SPATA9: variants seen among roughly 807,000 people sequenced by gnomAD.
SPATA9 encodes spermatogenesis associated 9.
SPATA9 carries 27 observed loss-of-function variants against 25.5 expected under a neutral mutation model. The ratio of observed to expected loss-of-function variants is 1.06; its 90% CI spans 0.78 to 1.46. The LOEUF (loss-of-function observed/expected upper bound fraction) is 1.46. SPATA9 is among the 40% of genes most tolerant of loss of function. The probability of loss-of-function intolerance (pLI) is 0.00; values close to 1 mark genes in which losing one functional copy is unlikely to be tolerated. For missense variants in SPATA9, 282 were observed against 297.5 expected, an observed-to-expected ratio of 0.95 and a Z score of 0.38; for synonymous variants, 102 against 105.7, an observed-to-expected ratio of 0.97 and a Z score of 0.21.
chr5:95,663,261 A>G (rs1751444251), intron 4 of SPATA9, among the ~76,000 whole-genome samples: 1 of 152,224 alleles, frequency 6.6e-6, no homozygotes, highest in South Asian at 2.1e-4. Context: ...CAAACACAAA[A>G]GAATACATAC....
chr5:95,688,697 T>C (rs1370987785), intron 1 of SPATA9, among the ~76,000 whole-genome samples: 1 of 152,072 alleles, frequency 6.6e-6, no homozygotes, highest in East Asian at 1.9e-4. Flanking sequence ...AGTGGAATAA[T>C]AGACACTGGA....
chr5:95,682,980 TCA>T lies in SPATA9; in HGVS notation c.-128_-127del. On this transcript the variant is annotated 5_prime_UTR_variant, in exon 1 of 5. Transcript: ENST00000274432. ...TTGGGAAAGCCAGCAAGGACAGAAC[TCA>T]CAGCTCACTGCTGGAATTCTTTGTT... The T allele has an allele frequency of 7.4e-7, 1 of 1,359,636 alleles. No homozygotes were observed. 84.2% of individuals were successfully genotyped at this position (1,359,636 alleles called of 1,614,324 possible).
the SPATA9 span, chr5:95,731,733 T>C: frequency 6.2e-7 from 1 of 1,612,382 alleles, no homozygotes; most frequent in Admixed American, 1.7e-5. Flanking sequence ...GCGCGTGCCG[T>C]GCGCCCCAGG....
chr5:95,654,730 C>G (rs1299279736), downstream of SPATA9, among the ~76,000 whole-genome samples: 3 of 152,034 alleles, frequency 2.0e-5, no homozygotes, highest in Non-Finnish European at 4.4e-5. Context: ...ATTAATAAGG[C>G]AGATCTATAT....
chr5:95,712,010 T>C, the SPATA9 span, among the ~76,000 whole-genome samples: 1 of 152,096 alleles, frequency 6.6e-6, no homozygotes, highest in African/African-American at 2.4e-5. Context: ...CATAATCCTC[T>C]GAGAAACCAA....
chr5:95,703,857 G>A, the SPATA9 span, among the ~76,000 whole-genome samples: 1 of 151,966 alleles, frequency 6.6e-6, no homozygotes, highest in African/African-American at 2.4e-5. Context: ...TTCACATATT[G>A]TTCAGAGTTT....
rs184730376 is a variant in SPATA9, at chr5:95,680,092, G to T, written c.150+2436C>A. Among the ~76,000 whole-genome samples, 1,443 of 152,236 alleles carry T rather than the reference G, an allele frequency of 9.5e-3. 21 individuals are homozygous for T. The highest frequency in any genetic ancestry group is 0.033 in the African/African-American group (1,361 of 41,522). ...TTTTTGTATTTTTAGTAGAGACGGG[G>T]TTTCACCGTGTTAGCCAGGATGGTC... is the stretch of plus-strand genomic sequence containing the variant. On this transcript the variant is annotated intron_variant, in intron 2 of 4. Transcript: ENST00000274432.
chr5:95,693,715 G>A (rs540246627), intron 1 of SPATA9, among the ~76,000 whole-genome samples: 14 of 152,036 alleles, frequency 9.2e-5, no homozygotes, highest in East Asian at 3.9e-4. Context: ...TCTTATTTTC[G>A]CCTTAGAAAA....
At chr5:95,729,874 C>T in the SPATA9 span, among the ~76,000 whole-genome samples, 2 of 152,156 alleles carry the variant, frequency 1.3e-5, no homozygotes, top group Non-Finnish European at 2.9e-5. Context: ...GCTAATCATC[C>T]ATTACATGTG....
chr5:95,703,938 T>C, the SPATA9 span, among the ~76,000 whole-genome samples: 1 of 152,158 alleles, frequency 6.6e-6, no homozygotes. Flanking sequence ...GACTTTTTCA[T>C]TTTATACCAC....
intron 4 of SPATA9, among the ~76,000 whole-genome samples, chr5:95,661,835 T>C (rs1033757855): frequency 6.1e-4 from 93 of 151,932 alleles, no homozygotes; most frequent in African/African-American, 2.1e-3. Flanking sequence ...TACACACACA[T>C]ACACACACAC....
At chr5:95,690,735 T>C (rs768619506) in intron 1 of SPATA9, among the ~76,000 whole-genome samples, 5 of 152,360 alleles carry the variant, frequency 3.3e-5, no homozygotes, top group South Asian at 2.1e-4. Flanking sequence ...CTTTTAGATT[T>C]ATCTTCCAGT....
chr5:95,700,697 G>T (rs1236759511), upstream of SPATA9, among the ~76,000 whole-genome samples: 1 of 152,168 alleles, frequency 6.6e-6, no homozygotes, highest in Non-Finnish European at 1.5e-5. Context: ...AAAGTGCTGG[G>T]ATTACAGGCA....
At chr5:95,718,048 T>C in the SPATA9 span, among the ~76,000 whole-genome samples, 5 of 152,250 alleles carry the variant, frequency 3.3e-5, no homozygotes, top group Non-Finnish European at 7.3e-5. Context: ...AGCAATTTTG[T>C]AGCATTTAAA....
At chr5:95,686,623 C>G (rs2112700002), upstream of SPATA9, among the ~76,000 whole-genome samples, 1 of 152,256 alleles carries the variant, frequency 6.6e-6, no homozygotes, top group South Asian at 2.1e-4. Context: ...CTATTGAAGA[C>G]TCAAACAGGT....
intron 3 of SPATA9, 99 bp from the exon 4 acceptor site, chr5:95,664,147 T>A: frequency 1.6e-6 from 1 of 623,192 alleles, no homozygotes. Flanking sequence ...TATTTTTTTC[T>A]AAAGAAAGTC....
At chr5:95,709,741 C>T in the SPATA9 span, among the ~76,000 whole-genome samples, 2 of 152,096 alleles carry the variant, frequency 1.3e-5, no homozygotes, top group Admixed American at 1.3e-4. Context: ...GTATTTGTAC[C>T]CAGCCCGGTG....
intron 4 of SPATA9, among the ~76,000 whole-genome samples, chr5:95,662,369 C>T (rs768026772): frequency 8.6e-5 from 13 of 151,958 alleles, no homozygotes; most frequent in African/African-American, 1.5e-4. Context: ...ACAGAAAGCA[C>T]GTAAGATAAA....
downstream of SPATA9, chr5:95,656,044 A>G: frequency 6.2e-7 from 1 of 1,611,904 alleles, no homozygotes. Context: ...TCTCTTCCCC[A>G]GGATTTTGAT....
Sources: allele counts gnomAD v4.1 joint callset (sites outside exome capture counted in the v4.1 genomes callset), GRCh38; gene constraint gnomAD v4.1.1; transcripts MANE v1.5; gene names NCBI Gene and HGNC (gene_info 2026-07-23, HGNC 2026-07-21).